Variants in HIVEP2 observed in about 807,000 individuals in gnomAD.
HIVEP2 encodes the protein transcription factor HIVEP2.
A neutral mutation model predicts 180.7 loss-of-function variants in HIVEP2; 14 were observed. The observed-to-expected ratio is 0.08, with a 90% CI of 0.05 to 0.12. The LOEUF (loss-of-function observed/expected upper bound fraction) is 0.12. Ranked by LOEUF, HIVEP2 falls within the 10% of genes least tolerant of loss-of-function variation. The pLI is 1.00. For missense variants in HIVEP2, 2,579 were observed against 3,008.5 expected, an observed-to-expected ratio of 0.86 and a Z score of 3.34; for synonymous variants, 1,184 against 1,136.4, an observed-to-expected ratio of 1.04 and a Z score of -0.84.
In HIVEP2 at chr6:142,891,970, A is replaced by C. The variant is rs548427452; in HGVS notation, c.-641+53129T>G. The stretch of plus-strand genomic sequence containing the variant: ...CCATTTATTCTTTGATCTTTTAGCT[A>C]TGTCCAGCCAGTAAAAACATTCCCT... On this transcript the variant is annotated intron_variant, in intron 1 of 9. Transcript: ENST00000367603. Among the ~76,000 whole-genome samples the C allele has an allele frequency of 5.9e-5, 9 of 152,248 alleles. No homozygotes were observed. In the East Asian group the frequency reaches 1.5e-3, roughly 26 times the overall value.
rs892533702 is a variant in HIVEP2, at chr6:142,943,868, T to A, written c.-641+1231A>T. Among the ~76,000 whole-genome samples, 3 of 152,158 alleles carry A rather than the reference T, an allele frequency of 2.0e-5. No homozygotes were observed. The highest frequency in any genetic ancestry group is 2.4e-5 in the African/African-American group (1 of 41,432). On this transcript the variant is annotated intron_variant, in intron 1 of 9. Coordinates refer to ENST00000367603, the MANE Select transcript of HIVEP2 (RefSeq NM_006734.4). This position sits in a 1 kb window ranked among gnomAD's most constrained non-coding sequence, Gnocchi z 4.5. The stretch of plus-strand genomic sequence containing the variant: ...TCCTAAGGCCTCCAGTGAAACCTAT[T>A]ATCAAGAGATTCCTCTGGTCTCCTC...
At chr6:142,870,555 G>A (rs1156271972) in intron 1 of HIVEP2, among the ~76,000 whole-genome samples, 1 of 152,084 alleles carries the variant, frequency 6.6e-6, no homozygotes, top group Non-Finnish European at 1.5e-5. Context: ...AATCCCATCA[G>A]ATAGAATCCA....
intron 2 of HIVEP2, among the ~76,000 whole-genome samples, chr6:142,796,830 C>G (rs974117163): frequency 6.6e-6 from 1 of 152,158 alleles, no homozygotes; most frequent in African/African-American, 2.4e-5. Flanking sequence ...ACCTCTCACA[C>G]GGAGATGATT....
At position 142,771,849 on chromosome 6, in the gene HIVEP2, A is replaced by G; in HGVS notation, c.2890T>C (p.Ser964Pro). The G allele has an allele frequency of 6.2e-7, 1 of 1,614,208 alleles. No individual in the cohort carries two copies. The highest frequency in any genetic ancestry group is 1.1e-5 in the South Asian group (1 of 91,080). Reference sequence around the variant, plus strand: ...TTGCTTTCTTGGCTGGGGCTGCGGGAGAGGCCTGTGCCTGTGGATTCAAAG... The same window carrying G: ...TTGCTTTCTTGGCTGGGGCTGCGGGGGAGGCCTGTGCCTGTGGATTCAAAG... ...SSFESTGTGL[S>P]RSPSQESNLS... The change falls in exon 5 of 10, where the codon TCC becomes CCC. Residue 964 changes from serine (S) to proline (P), a missense_variant. This residue lies in a region of HIVEP2 where 523 missense variants were observed against 577.0 expected (regional missense o/e 0.91). Coordinates refer to ENST00000367603, the MANE Select transcript of HIVEP2 (RefSeq NM_006734.4). This position sits in a 1 kb window ranked among gnomAD's most constrained non-coding sequence, Gnocchi z 5.4.
At chr6:142,904,482 C>T (rs1238910003) in intron 1 of HIVEP2, among the ~76,000 whole-genome samples, 1 of 152,100 alleles carries the variant, frequency 6.6e-6, no homozygotes, top group African/African-American at 2.4e-5. Context: ...TATGAGAAAA[C>T]ACAGTAGGTG....
chr6:142,849,475 C>T (rs539773257), intron 1 of HIVEP2, among the ~76,000 whole-genome samples: 1 of 152,086 alleles, frequency 6.6e-6, no homozygotes, highest in Non-Finnish European at 1.5e-5. Flanking sequence ...GTATTGAAGA[C>T]TATTAGCATC....
chr6:142,863,462 C>T (rs1004382142), intron 1 of HIVEP2, among the ~76,000 whole-genome samples: 2 of 151,884 alleles, frequency 1.3e-5, no homozygotes, highest in Non-Finnish European at 2.9e-5. Context: ...AATTACTATA[C>T]AAAAAATAGC....
chr6:142,833,032 C>T (rs552866972), intron 2 of HIVEP2, among the ~76,000 whole-genome samples: 53 of 152,276 alleles, frequency 3.5e-4, no homozygotes, highest in African/African-American at 1.2e-3. Flanking sequence ...ACATCCACAA[C>T]GCTCCAACAT....
chr6:142,769,086 A>T (rs543541472), intron 5 of HIVEP2, among the ~76,000 whole-genome samples: 7 of 152,220 alleles, frequency 4.6e-5, no homozygotes, highest in African/African-American at 1.4e-4. Context: ...AAGGAGACAG[A>T]TGTCTCGTCA....
intron 1 of HIVEP2, among the ~76,000 whole-genome samples, chr6:142,904,121 A>T (rs181591853): frequency 1.4e-4 from 22 of 152,260 alleles, no homozygotes; most frequent in Non-Finnish European, 1.5e-5. Flanking sequence ...TCATTTTTAG[A>T]CTTAAAAACC....
intron 2 of HIVEP2, among the ~76,000 whole-genome samples, chr6:142,834,169 T>C (rs1775165162): frequency 6.6e-6 from 1 of 152,318 alleles, no homozygotes. Context: ...TTCTTCCTTT[T>C]CATTTTCCTA....
chr6:142,883,239 G>T (rs2128417668), intron 1 of HIVEP2, among the ~76,000 whole-genome samples: 1 of 152,172 alleles, frequency 6.6e-6, no homozygotes, highest in Admixed American at 6.6e-5. Context: ...TGCATATGTA[G>T]TTACAAAAAT....
chr6:142,846,368 C>T (rs1775517307), intron 1 of HIVEP2, among the ~76,000 whole-genome samples: 1 of 152,212 alleles, frequency 6.6e-6, no homozygotes, highest in Non-Finnish European at 1.5e-5. Context: ...CACTCTGGTC[C>T]TTCCCGGCCA....
At chr6:142,841,879 T>C (rs971225257) in intron 1 of HIVEP2, among the ~76,000 whole-genome samples, 13 of 152,188 alleles carry the variant, frequency 8.5e-5, no homozygotes, top group Admixed American at 6.5e-5. Flanking sequence ...TCATTCTTCA[T>C]GTCCAGCAAT....
At chr6:142,831,074 C>A (rs560613734) in intron 2 of HIVEP2, among the ~76,000 whole-genome samples, 2 of 152,218 alleles carry the variant, frequency 1.3e-5, no homozygotes, top group Admixed American at 1.3e-4. Context: ...AGGCCTGATG[C>A]CCTTGCGTGC....
intron 1 of HIVEP2, among the ~76,000 whole-genome samples, chr6:142,934,866 G>A (rs1778016668): frequency 6.6e-6 from 1 of 152,136 alleles, no homozygotes; most frequent in African/African-American, 2.4e-5. Flanking sequence ...GTGTGTAGTG[G>A]TGGAAAGGAA....
chr6:142,914,528 ACAAT>A (rs1336315963), intron 1 of HIVEP2, among the ~76,000 whole-genome samples: 2 of 152,170 alleles, frequency 1.3e-5, no homozygotes, highest in Non-Finnish European at 1.5e-5. Flanking sequence ...GTCATAACAG[ACAAT>A]CAACACATTT....
chr6:142,786,451 C>T (rs1211340430), intron 2 of HIVEP2, among the ~76,000 whole-genome samples: 1 of 152,164 alleles, frequency 6.6e-6, no homozygotes, highest in Non-Finnish European at 1.5e-5. Flanking sequence ...TCACCACATA[C>T]AAGATGGTTT....
At chr6:142,822,519 C>T (rs550970059) in intron 2 of HIVEP2, among the ~76,000 whole-genome samples, 1 of 152,270 alleles carries the variant, frequency 6.6e-6, no homozygotes, top group South Asian at 2.1e-4. Flanking sequence ...ACTGACACTG[C>T]TGAAACTACT....
Sources: allele counts gnomAD v4.1 joint callset (sites outside exome capture counted in the v4.1 genomes callset), GRCh38; gene constraint gnomAD v4.1.1; regional missense constraint gnomAD v4.1.1; non-coding constraint Gnocchi (gnomAD v3.1); transcripts MANE v1.5; gene names NCBI Gene and HGNC (gene_info 2026-07-23, HGNC 2026-07-21).